The following WWOX variants were observed in gnomAD, a reference collection of about 807,000 sequenced individuals.
WWOX encodes the protein WW domain containing oxidoreductase.
In WWOX, 69 loss-of-function variants were observed where a neutral mutation model predicts 46.2. The ratio of observed to expected loss-of-function variants is 1.49; its 90% CI spans 1.23 to 1.82. The LOEUF is 1.82. Ranked by LOEUF, WWOX falls within the 40% of genes most tolerant of loss-of-function variation. The probability of loss-of-function intolerance (pLI) is 0.00; values close to 1 mark genes in which losing one functional copy is unlikely to be tolerated. For missense variants in WWOX, 919 were observed against 542.6 expected (o/e 1.69, Z -6.89); for synonymous variants, 359 against 202.6 (o/e 1.77, Z -6.56).
intron 8 of WWOX, among the ~76,000 whole-genome samples, chr16:79,198,540 GA>G (rs1567611957): frequency 1.3e-5 from 2 of 152,266 alleles, no homozygotes; most frequent in African/African-American, 4.8e-5. Context: ...CCCCTTGGTG[GA>G]GCAACCTAAC....
At chr16:79,161,668 A>C (rs531901467) in intron 8 of WWOX, among the ~76,000 whole-genome samples, 1 of 152,108 alleles carries the variant, frequency 6.6e-6, no homozygotes, top group East Asian at 1.9e-4. Flanking sequence ...GATTACACCC[A>C]CCACCATGCC....
chr16:79,157,436 AG>A (rs2050403488), intron 8 of WWOX, among the ~76,000 whole-genome samples: 1 of 135,022 alleles, frequency 7.4e-6, no homozygotes, highest in African/African-American at 3.8e-5. Context: ...AAAAAAAAAA[AG>A]AAAGAAACCA....
chr16:78,764,446 C>A (rs1056228595), intron 8 of WWOX, among the ~76,000 whole-genome samples: 1 of 150,660 alleles, frequency 6.6e-6, no homozygotes, highest in Non-Finnish European at 1.5e-5. Context: ...GGAGGTGCTT[C>A]TTCTGGGAGT....
At chr16:79,005,590 T>C (rs1395224845) in intron 8 of WWOX, among the ~76,000 whole-genome samples, 1 of 152,176 alleles carries the variant, frequency 6.6e-6, no homozygotes, top group African/African-American at 2.4e-5. Flanking sequence ...TTGGGGCATG[T>C]TGTCACCTCA....
At chr16:78,521,657 C>A (rs775998874) in intron 8 of WWOX, among the ~76,000 whole-genome samples, 2 of 152,180 alleles carry the variant, frequency 1.3e-5, no homozygotes, top group Non-Finnish European at 1.5e-5. Context: ...AATATTGGTT[C>A]CCAGTCTAGT....
At chr16:79,154,503 CAAAAA>C (rs67379862) in intron 8 of WWOX, among the ~76,000 whole-genome samples, 12,648 of 88,174 alleles carry the variant, frequency 0.14, 958 homozygotes, top group African/African-American at 0.29. Flanking sequence ...TCCTCTTTTG[CAAAAA>C]AAAAAAAAAA....
At chr16:79,146,180 A>T (rs1480463497) in intron 8 of WWOX, among the ~76,000 whole-genome samples, 1 of 152,224 alleles carries the variant, frequency 6.6e-6, no homozygotes, top group Non-Finnish European at 1.5e-5. Context: ...TAGTCAGATG[A>T]GCTCTTGGAT....
intron 8 of WWOX, among the ~76,000 whole-genome samples, chr16:78,686,184 G>A (rs1195849329): frequency 6.6e-6 from 1 of 152,100 alleles, no homozygotes; most frequent in Non-Finnish European, 1.5e-5. Flanking sequence ...CTCAAAGTGT[G>A]GCTCCCAGGC....
intron 8 of WWOX, among the ~76,000 whole-genome samples, chr16:78,790,873 G>C (rs528884464): frequency 6.6e-6 from 1 of 151,682 alleles, no homozygotes; most frequent in Non-Finnish European, 1.5e-5. Context: ...ACAAAAATTA[G>C]CCGGGCGTTT....
At chr16:78,244,998 C>G (rs559776770) in intron 5 of WWOX, among the ~76,000 whole-genome samples, 15 of 152,204 alleles carry the variant, frequency 9.9e-5, no homozygotes, top group Non-Finnish European at 1.5e-4. Context: ...TTCAAATGCC[C>G]AGGCCATTTT....
chr16:78,258,894 C>T (rs2038204219), intron 5 of WWOX, among the ~76,000 whole-genome samples: 1 of 152,102 alleles, frequency 6.6e-6, no homozygotes, highest in Admixed American at 6.5e-5. Flanking sequence ...CCACAAATCT[C>T]CACTTTACAG....
intron 8 of WWOX, among the ~76,000 whole-genome samples, chr16:79,035,309 C>T (rs776519848): frequency 1.3e-5 from 2 of 152,156 alleles, no homozygotes; most frequent in African/African-American, 4.8e-5. Context: ...CCTTTGATTT[C>T]CAATGGGAGG....
At chr16:78,653,258 A>G (rs2047005513) in intron 8 of WWOX, among the ~76,000 whole-genome samples, 2 of 152,216 alleles carry the variant, frequency 1.3e-5, no homozygotes, top group African/African-American at 4.8e-5. Flanking sequence ...ATTTTATGTA[A>G]CCATTCCCTA....
At chr16:78,166,205 A>G (rs4888754) in intron 5 of WWOX, among the ~76,000 whole-genome samples, 20,185 of 151,446 alleles carry the variant, frequency 0.13, 1,552 homozygotes, top group East Asian at 0.22. Context: ...GAGATCTCTT[A>G]TTAGTGCATA....
chr16:79,192,172 G>T (rs898582360), intron 8 of WWOX, among the ~76,000 whole-genome samples: 4 of 152,200 alleles, frequency 2.6e-5, no homozygotes, highest in Non-Finnish European at 5.9e-5. Flanking sequence ...AATTGCTCCT[G>T]CCAGCTCTAA....
chr16:79,194,038 C>G (rs78028896), intron 8 of WWOX, among the ~76,000 whole-genome samples: 2,098 of 152,218 alleles, frequency 0.014, 55 homozygotes, highest in African/African-American at 0.049. Flanking sequence ...CTTAGTAAAT[C>G]TAGCTAACGT....
chr16:79,103,523 G>A (rs867635337), intron 8 of WWOX, among the ~76,000 whole-genome samples: 7 of 152,020 alleles, frequency 4.6e-5, no homozygotes, highest in South Asian at 2.1e-4. Context: ...GAGAACACCC[G>A]TTTCATTATG....
chr16:79,088,317 C>T (rs1423049781), intron 8 of WWOX, among the ~76,000 whole-genome samples: 1 of 152,158 alleles, frequency 6.6e-6, no homozygotes, highest in Admixed American at 6.5e-5. Context: ...GTTGTTTTCT[C>T]CAGCACAGCC....
At chr16:78,796,195 C>G (rs561289374) in intron 8 of WWOX, among the ~76,000 whole-genome samples, 3 of 152,200 alleles carry the variant, frequency 2.0e-5, no homozygotes, top group Non-Finnish European at 4.4e-5. Context: ...CTAGAACTGT[C>G]GTTGATTGCT....
Sources: gnomAD v4.1 joint callset for allele counts (sites outside exome capture counted in the v4.1 genomes callset) on GRCh38, gnomAD v4.1.1 for gene constraint, MANE v1.5 for transcripts, NCBI Gene and HGNC (gene_info 2026-07-23, HGNC 2026-07-21) for gene names.